The following PARN variants were observed in gnomAD, a reference collection of about 807,000 sequenced individuals.
PARN encodes the protein poly(A)-specific ribonuclease PARN.
Under a neutral mutation model 102.8 loss-of-function variants are expected in PARN, and 71 were observed. The ratio of observed to expected loss-of-function variants is 0.69; its 90% CI spans 0.57 to 0.84. The LOEUF is 0.84. Ranked by LOEUF, PARN falls within the 40% of genes least tolerant of loss-of-function variation. The pLI is 0.00. For missense variants in PARN, 782 were observed against 760.9 expected, an observed-to-expected ratio of 1.03 and a Z score of -0.33; for synonymous variants, 261 against 252.9, an observed-to-expected ratio of 1.03 and a Z score of -0.30.
intron 22 of PARN, among the ~76,000 whole-genome samples, chr16:14,447,938 TTATCTATCTATCTATCTATCTATC>T (rs10539138): frequency 1.1e-4 from 16 of 147,946 alleles, no homozygotes; most frequent in South Asian, 4.4e-4. Flanking sequence ...CTTTTAAATT[TTATCTATCTATCTATCTATCTATC>T]TATCTATCTA....
At chr16:14,470,971 G>T (rs1017209082) in intron 22 of PARN, among the ~76,000 whole-genome samples, 1 of 152,044 alleles carries the variant, frequency 6.6e-6, no homozygotes, top group African/African-American at 2.4e-5. Flanking sequence ...TGTTGTTAGA[G>T]ATGGGATCTT....
chr16:14,614,885 A>C (rs1242341468), intron 6 of PARN, among the ~76,000 whole-genome samples: 1 of 150,068 alleles, frequency 6.7e-6, no homozygotes, highest in Non-Finnish European at 1.5e-5. Context: ...AAAAGAAAAG[A>C]AAAGAAAATT....
chr16:14,623,885 G>C (rs1972479059), intron 5 of PARN, among the ~76,000 whole-genome samples: 1 of 151,512 alleles, frequency 6.6e-6, no homozygotes, highest in Non-Finnish European at 1.5e-5. Flanking sequence ...ACATACAGCA[G>C]TTATGCTTCA....
intron 23 of PARN, among the ~76,000 whole-genome samples, chr16:14,444,016 T>C (rs751288670): frequency 4.6e-5 from 7 of 152,216 alleles, no homozygotes; most frequent in Non-Finnish European, 1.0e-4. Context: ...GAGAGTTTAA[T>C]GCAGACCCTC....
intron 21 of PARN, among the ~76,000 whole-genome samples, chr16:14,519,889 T>C (rs995824276): frequency 1.2e-4 from 18 of 152,180 alleles, no homozygotes; most frequent in Non-Finnish European, 2.6e-4. Context: ...TATCACCATA[T>C]TGCAGTCTCT....
At chr16:14,453,315 G>A (rs1321245250) in intron 22 of PARN, among the ~76,000 whole-genome samples, 1 of 152,172 alleles carries the variant, frequency 6.6e-6, no homozygotes, top group Non-Finnish European at 1.5e-5. Context: ...AACATCTCCA[G>A]TACTTTTTCC....
chr16:14,561,402 G>A (rs1308748973), intron 18 of PARN, among the ~76,000 whole-genome samples: 1 of 152,180 alleles, frequency 6.6e-6, no homozygotes, highest in African/African-American at 2.4e-5. Flanking sequence ...GAATCACCGA[G>A]TTAACAGGAA....
Position 14,599,979 on chromosome 16 carries a change from A to G in PARN, c.784-19T>C, listed in dbSNP as rs867919377. The G allele has an allele frequency of 1.1e-5, 16 of 1,404,780 alleles. No homozygotes were observed. The Middle Eastern group carries it at 2.4e-3, about 208-fold the overall frequency. The allele number at this position is 1,404,780 out of a possible 1,614,324, so 87.0% of individuals were successfully genotyped here. ...GCTCCTCCTAATTAAAAAAATATATACATATGTATTATTGATGTATAAATA... is the reference window on the plus strand; with the variant it reads ...GCTCCTCCTAATTAAAAAAATATATGCATATGTATTATTGATGTATAAATA... On this transcript the variant is annotated intron_variant, in intron 11 of 23. Coordinates refer to ENST00000437198, the MANE Select transcript of PARN (RefSeq NM_002582.4).
chr16:14,574,820 C>T (rs1020249438), intron 18 of PARN, among the ~76,000 whole-genome samples: 9 of 152,254 alleles, frequency 5.9e-5, no homozygotes, highest in Middle Eastern at 3.4e-3. Context: ...GTCTCCAGGG[C>T]GTGTCAGAGG....
At chr16:14,442,964 T>C (rs4238665) in intron 23 of PARN, among the ~76,000 whole-genome samples, 108,460 of 152,102 alleles carry the variant, frequency 0.71, 39,322 homozygotes, top group Non-Finnish European at 0.78. Context: ...GCAAGAAACA[T>C]TCACCTTTGT....
At chr16:14,623,135 A>G (rs1208843715) in intron 5 of PARN, among the ~76,000 whole-genome samples, 1 of 151,762 alleles carries the variant, frequency 6.6e-6, no homozygotes, top group East Asian at 1.9e-4. Context: ...ATGTGTGTCT[A>G]GGCATATGTC....
At chr16:14,494,489 G>A (rs915540337) in intron 21 of PARN, among the ~76,000 whole-genome samples, 1 of 152,206 alleles carries the variant, frequency 6.6e-6, no homozygotes, top group Non-Finnish European at 1.5e-5. Flanking sequence ...AGGGTTGGGA[G>A]AGCAGGTAGT....
At chr16:14,561,157 C>CA (rs749716960) in intron 18 of PARN, among the ~76,000 whole-genome samples, 5,417 of 56,714 alleles carry the variant, frequency 0.096, 124 homozygotes, top group African/African-American at 0.11. Context: ...AACTCCGTCT[C>CA]AAAAAAAAAA....
At chr16:14,614,619 G>C (rs1018009336) in intron 6 of PARN, among the ~76,000 whole-genome samples, 1 of 152,094 alleles carries the variant, frequency 6.6e-6, no homozygotes, top group African/African-American at 2.4e-5. Context: ...GGGAGGCCAA[G>C]GCAGGTGGAC....
chr16:14,518,398 C>T (rs1965568290), intron 21 of PARN, among the ~76,000 whole-genome samples: 1 of 149,876 alleles, frequency 6.7e-6, no homozygotes. Context: ...ATTGGCTATA[C>T]CAATACATTT....
intron 21 of PARN, among the ~76,000 whole-genome samples, chr16:14,501,380 GGAGGATCACTTGATTGCGCCACT>G (rs1338860728): frequency 7.9e-6 from 1 of 126,646 alleles, no homozygotes; most frequent in Non-Finnish European, 1.6e-5. Context: ...CGCTGAGGTG[GGAGGATCACTTGATTGCGCCACT>G]GCACTCCAGC....
chr16:14,617,387 A>C (rs1971989536), intron 6 of PARN, among the ~76,000 whole-genome samples: 1 of 151,510 alleles, frequency 6.6e-6, no homozygotes, highest in Non-Finnish European at 1.5e-5. Context: ...CTTCTCAAAA[A>C]AAAAAAAAAA....
At chr16:14,501,670 C>G (rs1285036437) in intron 21 of PARN, 6 of 152,062 alleles carry the variant, frequency 3.9e-5, no homozygotes, top group Admixed American at 3.9e-4. Context: ...TTAAAGCCAT[C>G]ATGGTGAGAG....
At chr16:14,561,935 G>A (rs1968092877) in intron 18 of PARN, among the ~76,000 whole-genome samples, 1 of 151,956 alleles carries the variant, frequency 6.6e-6, no homozygotes. Context: ...GTGGATCACT[G>A]GAGGTCAAGA....
Sources: gnomAD v4.1 joint callset for allele counts (sites outside exome capture counted in the v4.1 genomes callset) on GRCh38, gnomAD v4.1.1 for gene constraint, MANE v1.5 for transcripts, NCBI Gene and HGNC (gene_info 2026-07-23, HGNC 2026-07-21) for gene names.